Variants in DEPDC7 observed in about 807,000 individuals in gnomAD.
DEPDC7 encodes the protein DEP domain-containing protein 7.
DEPDC7 carries 41 observed loss-of-function variants against 56.6 expected under a neutral mutation model. The observed-to-expected ratio is 0.72, with a 90% confidence interval of 0.56 to 0.94. The LOEUF (loss-of-function observed/expected upper bound fraction) is 0.94, where lower values mean the gene tolerates loss of function less well. DEPDC7 is among the 40% of genes least tolerant of loss of function. DEPDC7 has a pLI of 0.00. For missense variants in DEPDC7, 522 were observed against 596.3 expected (o/e 0.88, Z 1.30); for synonymous variants, 185 against 208.8 (o/e 0.89, Z 0.98).
chr11:33,020,742 A>G (rs1481448115), intron 1 of DEPDC7, among the ~76,000 whole-genome samples: 3 of 152,148 alleles, frequency 2.0e-5, no homozygotes, highest in Non-Finnish European at 4.4e-5. Flanking sequence ...GCCTCAAGCA[A>G]TCTTCCCGCC....
intron 1 of DEPDC7, among the ~76,000 whole-genome samples, chr11:33,024,169 A>G (rs555136764): frequency 4.5e-4 from 68 of 152,338 alleles, no homozygotes; most frequent in Admixed American, 9.1e-4. Context: ...TTTCTTTCCT[A>G]TTGATTTCCA....
intron 4 of DEPDC7, among the ~76,000 whole-genome samples, chr11:33,031,113 C>T (rs1001032866): frequency 1.3e-5 from 2 of 152,148 alleles, no homozygotes; most frequent in Non-Finnish European, 2.9e-5. Flanking sequence ...TTTGTACGCT[C>T]TTTTCACCTC....
intron 2 of DEPDC7, chr11:33,026,365 G>A (rs1853578164): frequency 9.4e-6 from 3 of 319,568 alleles, no homozygotes; most frequent in African/African-American, 2.1e-5. Flanking sequence ...CCCAGATTGC[G>A]GTGGGAGAGA....
chr11:33,023,476 A>T (rs1325049129), intron 1 of DEPDC7, among the ~76,000 whole-genome samples: 2 of 152,186 alleles, frequency 1.3e-5, no homozygotes, highest in Non-Finnish European at 2.9e-5. Flanking sequence ...AACGTAAGAG[A>T]TGAATTTCAA....
At chr11:33,031,865 A>G (rs1853636601) in intron 5 of DEPDC7, among the ~76,000 whole-genome samples, 1 of 152,192 alleles carries the variant, frequency 6.6e-6, no homozygotes, top group African/African-American at 2.4e-5. Context: ...TTTTTTTAGA[A>G]GAGTTATCAG....
At chr11:33,016,703 G>A in intron 1 of DEPDC7, 2 of 921,400 alleles carry the variant, frequency 2.2e-6, no homozygotes, top group Non-Finnish European at 3.4e-6. Context: ...GCCTAATCGT[G>A]TCTTTTGGGG....
chr11:33,028,838 T>TA, intron 4 of DEPDC7, 46 bp downstream of exon 4: 1 of 1,434,826 alleles, frequency 7.0e-7, no homozygotes. Context: ...TGTAGGTAGA[T>TA]TGAGATAATG....
At chr11:33,026,155 C>T (rs957023667) in intron 2 of DEPDC7, 106 bp downstream of exon 2, 1 of 1,276,856 alleles carries the variant, frequency 7.8e-7, no homozygotes, top group Non-Finnish European at 1.1e-6. Context: ...GTAAATGTGG[C>T]TAAAATATGG....
At chr11:33,031,677 C>A in intron 5 of DEPDC7, 88 bp downstream of exon 5, 2 of 1,032,684 alleles carry the variant, frequency 1.9e-6, no homozygotes, top group Non-Finnish European at 2.9e-6. Context: ...AATAGTACTA[C>A]TACAAGCTGG....
rs1011636413 is a variant in DEPDC7, at chr11:33,032,892, C to G, written c.1267C>G (p.Pro423Ala). 6.2e-7 allele frequency: 1 copy of G among 1,600,626 alleles called. No homozygotes were observed. The highest frequency in any genetic ancestry group is 1.1e-5 in the South Asian group (1 of 87,754). The stretch of plus-strand genomic sequence containing the variant: ...CATGTCCCTTCTTTTTCTTAAGATT[C>G]CTGGAACTCTACATAAAATTGTAAG... The part of the protein sequence containing the change: ...MDHQKDVFKI[P>A]GTLHKIVSVK... The change falls in exon 8 of 9, where the codon CCT (proline) becomes GCT (alanine). Residue 423 changes from proline (P) to alanine (A), a missense_variant. By Grantham distance (27) the Pro-to-Ala change is conservative. Transcript: ENST00000241051.
At position 33,027,978 on chromosome 11, in the gene DEPDC7, T is replaced by G. The variant is rs918287842; in HGVS notation, c.592+165T>G. ...TCAATTTTAACAGAAGTCTATTATC[T>G]TTAACAAATAGATCAGTGTTAGAAC... On this transcript the variant is annotated intron_variant, in intron 3 of 8. Transcript: ENST00000241051. The G allele has an allele frequency of 4.8e-6, 3 of 624,520 alleles. No homozygotes were observed. The Admixed American group carries it at 1.3e-4, about 26-fold the overall frequency. The allele number at this position is 624,520 out of a possible 1,614,324, so 38.7% of individuals were successfully genotyped here.
chr11:33,016,650 A>G, intron 1 of DEPDC7: 2 of 1,551,838 alleles, frequency 1.3e-6, no homozygotes, highest in Non-Finnish European at 8.9e-7. Flanking sequence ...CTAAAAAAAC[A>G]GTTACATGAA....
intron 4 of DEPDC7, among the ~76,000 whole-genome samples, chr11:33,030,827 A>C (rs1185281698): frequency 6.6e-6 from 1 of 151,960 alleles, no homozygotes; most frequent in Non-Finnish European, 1.5e-5. Flanking sequence ...CATGTGATCC[A>C]CCTGCCTCGG....
At chr11:33,026,135 AT>A in intron 2 of DEPDC7, 86 bp downstream of exon 2, 2 of 1,472,452 alleles carry the variant, frequency 1.4e-6, no homozygotes, top group Non-Finnish European at 1.9e-6. Flanking sequence ...TTTATATTAC[AT>A]TTTTAGCAGT....
chr11:33,020,042 A>ATATAATCTT (rs1176744758), intron 1 of DEPDC7, among the ~76,000 whole-genome samples: 3 of 152,192 alleles, frequency 2.0e-5, no homozygotes, highest in Non-Finnish European at 2.9e-5. Flanking sequence ...TAAAGATTTA[A>ATATAATCTT]TATAATCTTA....
At chr11:33,031,664 C>A in intron 5 of DEPDC7, 75 bp downstream of exon 5, 1 of 1,138,320 alleles carries the variant, frequency 8.8e-7, no homozygotes, top group Non-Finnish European at 1.3e-6. Context: ...CAAACTGAAC[C>A]AGAATAGTAC....
At chr11:33,019,954 A>G (rs888261405) in intron 1 of DEPDC7, among the ~76,000 whole-genome samples, 2 of 150,720 alleles carry the variant, frequency 1.3e-5, no homozygotes, top group African/African-American at 2.4e-5. Context: ...ATTAAGAGGT[A>G]GTGTGTTTTA....
chr11:33,016,706 T>C (rs1436067563), intron 1 of DEPDC7: 1 of 897,518 alleles, frequency 1.1e-6, no homozygotes, highest in Non-Finnish European at 1.8e-6. Context: ...TAATCGTGTC[T>C]TTTGGGGGCA....
At chr11:33,020,675 T>C (rs1392020804) in intron 1 of DEPDC7, among the ~76,000 whole-genome samples, 1 of 152,230 alleles carries the variant, frequency 6.6e-6, no homozygotes, top group South Asian at 2.1e-4. Flanking sequence ...TCTCACTCTG[T>C]CACCCAGGCT....
Sources: allele counts gnomAD v4.1 joint callset (sites outside exome capture counted in the v4.1 genomes callset), GRCh38; gene constraint gnomAD v4.1.1; transcripts MANE v1.5; gene names NCBI Gene and HGNC (gene_info 2026-07-23, HGNC 2026-07-21).